The following CCDC158 variants were observed in gnomAD, a reference collection of about 807,000 sequenced individuals.
CCDC158 encodes coiled-coil domain containing 158.
Under a neutral mutation model 138.6 loss-of-function variants are expected in CCDC158, and 116 were observed. That is an observed-to-expected ratio of 0.84 (90% confidence interval 0.72 to 0.98). The LOEUF is 0.98. Among genes scored for constraint, CCDC158 ranks in the 50% least tolerant of loss-of-function variants. The pLI is 0.00. For missense variants in CCDC158, 1,265 were observed against 1,306.1 expected (o/e 0.97, Z 0.48); for synonymous variants, 436 against 442.4 (o/e 0.99, Z 0.18).
intron 10 of CCDC158, among the ~76,000 whole-genome samples, chr4:76,370,819 A>G (rs990956381): frequency 6.6e-6 from 1 of 152,240 alleles, no homozygotes; most frequent in South Asian, 2.1e-4. Context: ...TCCTTACCTC[A>G]GCTCATCAAA....
chr4:76,364,319 A>G (rs893639985), intron 12 of CCDC158, among the ~76,000 whole-genome samples: 51 of 152,176 alleles, frequency 3.4e-4, no homozygotes, highest in African/African-American at 1.2e-3. Flanking sequence ...ACTGGTCTCT[A>G]TCTGTGTTGG....
chr4:76,332,681 T>C (rs566235075), intron 19 of CCDC158, among the ~76,000 whole-genome samples, 190 bp from the exon 20 acceptor site: 1 of 152,314 alleles, frequency 6.6e-6, no homozygotes. Context: ...TCCCATGAAT[T>C]CTTAAAAGCT....
chr4:76,379,636 T>G (rs902184399), intron 8 of CCDC158, among the ~76,000 whole-genome samples: 1 of 152,188 alleles, frequency 6.6e-6, no homozygotes, highest in Admixed American at 6.5e-5. Context: ...TTCTCTCTAC[T>G]TTTGTATATG....
chr4:76,388,863 TG>T (rs1414287129), intron 4 of CCDC158, among the ~76,000 whole-genome samples: 1 of 152,182 alleles, frequency 6.6e-6, no homozygotes, highest in Non-Finnish European at 1.5e-5. Flanking sequence ...AGTGTCTGCC[TG>T]GTAATCCAGA....
At chr4:76,380,694 C>T (rs971420987) in intron 8 of CCDC158, among the ~76,000 whole-genome samples, 12 of 152,092 alleles carry the variant, frequency 7.9e-5, no homozygotes, top group African/African-American at 2.4e-4. Context: ...AAGCTGCCGG[C>T]TGCAGAAATT....
chr4:76,340,735 G>A (rs928452952), intron 18 of CCDC158, among the ~76,000 whole-genome samples: 5 of 151,908 alleles, frequency 3.3e-5, no homozygotes, highest in Non-Finnish European at 2.9e-5. Flanking sequence ...TCCACAATAT[G>A]GTGAGTTGTA....
intron 24 of CCDC158, among the ~76,000 whole-genome samples, chr4:76,313,737 A>G (rs1719107268): frequency 1.3e-5 from 2 of 152,248 alleles, no homozygotes; most frequent in Admixed American, 6.5e-5. Flanking sequence ...CCAAGAGGTC[A>G]TTACCATAAG....
At chr4:76,413,209 T>A (rs1006312103) in intron 1 of CCDC158, among the ~76,000 whole-genome samples, 3 of 151,826 alleles carry the variant, frequency 2.0e-5, no homozygotes, top group African/African-American at 7.3e-5. Context: ...AAAAAATGAA[T>A]GAGCCTGTAA....
At chr4:76,415,655 T>C (rs1385181509) in intron 1 of CCDC158, among the ~76,000 whole-genome samples, 1 of 152,124 alleles carries the variant, frequency 6.6e-6, no homozygotes, top group East Asian at 1.9e-4. Flanking sequence ...TCTACAATCA[T>C]AACCTAGGAA....
chr4:76,344,612 G>T, intron 18 of CCDC158: 1 of 1,412,878 alleles, frequency 7.1e-7, no homozygotes, highest in Non-Finnish European at 1.0e-6. Flanking sequence ...TACCTGATGT[G>T]CTCAGTGAGA....
chr4:76,354,833 G>A (rs1423794661), intron 15 of CCDC158, among the ~76,000 whole-genome samples: 1 of 151,994 alleles, frequency 6.6e-6, no homozygotes, highest in African/African-American at 2.4e-5. Context: ...AAAACTTCAG[G>A]TCATTTTCAA....
At chr4:76,343,669 C>CG (rs1179315990) in intron 18 of CCDC158, among the ~76,000 whole-genome samples, 1 of 151,938 alleles carries the variant, frequency 6.6e-6, no homozygotes, top group Non-Finnish European at 1.5e-5. Flanking sequence ...GGTGTGGTGG[C>CG]GGGTGCCTGT....
intron 1 of CCDC158, among the ~76,000 whole-genome samples, chr4:76,416,497 T>C (rs1358320230): frequency 6.6e-6 from 1 of 152,000 alleles, no homozygotes; most frequent in Non-Finnish European, 1.5e-5. Context: ...CTCCAGGCCA[T>C]GTCAGAGACC....
chr4:76,342,711 T>C (rs1012487757), intron 18 of CCDC158, among the ~76,000 whole-genome samples: 19 of 152,184 alleles, frequency 1.2e-4, no homozygotes, highest in African/African-American at 4.1e-4. Flanking sequence ...CAGATAATAA[T>C]AGATTAGTAA....
At chr4:76,416,494 C>T (rs1729710517) in intron 1 of CCDC158, among the ~76,000 whole-genome samples, 1 of 152,032 alleles carries the variant, frequency 6.6e-6, no homozygotes, top group Admixed American at 6.5e-5. Context: ...TGTCTCCAGG[C>T]CATGTCAGAG....
chr4:76,393,582 C>A (rs1452367044), intron 4 of CCDC158, among the ~76,000 whole-genome samples: 1 of 151,998 alleles, frequency 6.6e-6, no homozygotes, highest in African/African-American at 2.4e-5. Flanking sequence ...GCAAAAATTT[C>A]TCGAGTAATA....
chr4:76,413,424 G>A (rs372405827), intron 1 of CCDC158, among the ~76,000 whole-genome samples: 4 of 147,986 alleles, frequency 2.7e-5, no homozygotes, highest in Non-Finnish European at 3.0e-5. Flanking sequence ...GCAGTGAGCC[G>A]TGATCACACC....
intron 8 of CCDC158, among the ~76,000 whole-genome samples, chr4:76,381,720 C>T (rs1036300873): frequency 1.4e-4 from 22 of 152,238 alleles, no homozygotes; most frequent in African/African-American, 3.6e-4. Flanking sequence ...CTTGCTCTGT[C>T]GCCCAGGTTG....
intron 14 of CCDC158, among the ~76,000 whole-genome samples, chr4:76,355,798 CGTGTGT>C (rs71212417): frequency 3.4e-4 from 50 of 145,582 alleles, no homozygotes; most frequent in African/African-American, 8.9e-4. Context: ...AATATATGTA[CGTGTGT>C]GTGTGTGTGT....
Sources: allele counts gnomAD v4.1 joint callset (sites outside exome capture counted in the v4.1 genomes callset), GRCh38; gene constraint gnomAD v4.1.1; transcripts MANE v1.5; gene names NCBI Gene and HGNC (gene_info 2026-07-23, HGNC 2026-07-21).